The following DIAPH3 variants were observed in gnomAD, a reference collection of about 807,000 sequenced individuals.
The protein encoded by DIAPH3 is diaphanous related formin 3, also known as protein diaphanous homolog 3.
DIAPH3 carries 117 observed loss-of-function variants against 144.3 expected under a neutral mutation model. The ratio of observed to expected loss-of-function variants is 0.81; its 90% CI spans 0.70 to 0.95. DIAPH3 has a LOEUF of 0.95. Among genes scored for constraint, DIAPH3 ranks in the 40% least tolerant of loss-of-function variants. DIAPH3 has a pLI of 0.00. For synonymous variants in DIAPH3, 519 were observed against 488.9 expected, an observed-to-expected ratio of 1.06 and a Z score of -0.81; for missense variants, 1,421 against 1,412.7, an observed-to-expected ratio of 1.01 and a Z score of -0.09.
At chr13:59,920,727 T>C (rs967841140) in intron 18 of DIAPH3, among the ~76,000 whole-genome samples, 3 of 151,860 alleles carry the variant, frequency 2.0e-5, no homozygotes, top group East Asian at 1.9e-4. Context: ...AAATGAACTC[T>C]AGGCCAAAAG....
At chr13:59,698,095 ATAAAC>A (rs1325130405) in intron 27 of DIAPH3, among the ~76,000 whole-genome samples, 2 of 152,258 alleles carry the variant, frequency 1.3e-5, no homozygotes, top group South Asian at 2.1e-4. Flanking sequence ...CCAAATGTGC[ATAAAC>A]TAAAGAATGC....
At chr13:59,783,334 T>C (rs1189563264) in intron 25 of DIAPH3, among the ~76,000 whole-genome samples, 1 of 152,214 alleles carries the variant, frequency 6.6e-6, no homozygotes, top group Admixed American at 6.5e-5. Flanking sequence ...TTGATATCAT[T>C]TGCCAAGTAC....
chr13:59,770,959 C>A (rs143188070), intron 27 of DIAPH3, among the ~76,000 whole-genome samples: 1 of 152,266 alleles, frequency 6.6e-6, no homozygotes, highest in African/African-American at 2.4e-5. Flanking sequence ...ACAGGTACAA[C>A]TTGTAACCAA....
At chr13:59,871,999 C>T (rs141464706) in intron 21 of DIAPH3, among the ~76,000 whole-genome samples, 4 of 152,188 alleles carry the variant, frequency 2.6e-5, no homozygotes, top group Middle Eastern at 3.4e-3. Flanking sequence ...GTTAGCTTGG[C>T]TATTGATCTT....
chr13:59,666,464 T>C lies in DIAPH3; in HGVS notation c.*120A>G. 3 of 1,160,876 alleles carry C rather than the reference T, an allele frequency of 2.6e-6. No individual in the cohort carries two copies. The highest frequency in any genetic ancestry group is 1.6e-5 in the South Asian group (1 of 62,298). 71.9% of individuals were successfully genotyped at this position (1,160,876 alleles called of 1,614,324 possible). A position where few individuals can be genotyped will look rare whatever the true frequency, so the allele number is the denominator to read the frequency against. ...CATATATTTAGCTTTATTTTTCTAA[T>C]ATATATCATAATTTAAAACTATATA... is the stretch of plus-strand genomic sequence containing the variant. On this transcript the variant is annotated 3_prime_UTR_variant, in exon 28 of 28. Transcript: ENST00000400324.
At chr13:59,948,000 G>C (rs1433131886) in intron 17 of DIAPH3, among the ~76,000 whole-genome samples, 1 of 152,120 alleles carries the variant, frequency 6.6e-6, no homozygotes, top group Admixed American at 6.5e-5. Context: ...AATACTAGTT[G>C]CCATTTTTAG....
intron 18 of DIAPH3, among the ~76,000 whole-genome samples, chr13:59,920,644 T>C (rs572541521): frequency 3.3e-4 from 50 of 151,820 alleles, no homozygotes; most frequent in African/African-American, 1.0e-3. Flanking sequence ...AATACAATAT[T>C]AGGAGACTTC....
intron 5 of DIAPH3, among the ~76,000 whole-genome samples, chr13:60,028,835 C>A (rs915679347): frequency 1.1e-4 from 16 of 151,952 alleles, no homozygotes; most frequent in African/African-American, 2.9e-4. Flanking sequence ...CCGAGGTGGG[C>A]GGATCACAAG....
intron 4 of DIAPH3, among the ~76,000 whole-genome samples, chr13:60,065,107 C>T (rs1020025481): frequency 6.6e-6 from 1 of 151,928 alleles, no homozygotes; most frequent in African/African-American, 2.4e-5. Context: ...AACAGATATA[C>T]AAACAAATAA....
intron 17 of DIAPH3, among the ~76,000 whole-genome samples, chr13:59,956,493 G>A (rs1327451291): frequency 2.0e-5 from 3 of 152,208 alleles, no homozygotes; most frequent in Non-Finnish European, 4.4e-5. Flanking sequence ...CTGAGGTTTG[G>A]GAACCTCCAC....
intron 20 of DIAPH3, among the ~76,000 whole-genome samples, chr13:59,888,775 G>C (rs1425303899): frequency 6.6e-6 from 1 of 151,974 alleles, no homozygotes; most frequent in Non-Finnish European, 1.5e-5. Flanking sequence ...AGGAATTACT[G>C]TCACAAACTC....
intron 1 of DIAPH3, among the ~76,000 whole-genome samples, chr13:60,160,486 A>T (rs530959623): frequency 2.1e-4 from 32 of 152,310 alleles, no homozygotes; most frequent in African/African-American, 7.5e-4. Flanking sequence ...CTGCTCTGCC[A>T]CCACTACCTG....
intron 4 of DIAPH3, among the ~76,000 whole-genome samples, chr13:60,054,303 G>A (rs941503398): frequency 6.6e-6 from 1 of 151,976 alleles, no homozygotes; most frequent in Non-Finnish European, 1.5e-5. Context: ...AGTGAAGTTA[G>A]TTACTAGATT....
intron 27 of DIAPH3, among the ~76,000 whole-genome samples, chr13:59,693,891 AT>A (rs2033661943): frequency 6.6e-6 from 1 of 152,182 alleles, no homozygotes; most frequent in African/African-American, 2.4e-5. Flanking sequence ...TCTGAAATAA[AT>A]TATGAAATGA....
intron 20 of DIAPH3, among the ~76,000 whole-genome samples, chr13:59,882,807 AC>A (rs1471335803): frequency 6.6e-6 from 1 of 152,184 alleles, no homozygotes; most frequent in East Asian, 1.9e-4. Context: ...AATTCACGAA[AC>A]CCAAATCTGA....
intron 20 of DIAPH3, among the ~76,000 whole-genome samples, chr13:59,891,952 T>C (rs981039410): frequency 6.6e-6 from 1 of 152,000 alleles, no homozygotes; most frequent in Non-Finnish European, 1.5e-5. Context: ...CAAATATTTA[T>C]TGAACCCTTA....
intron 17 of DIAPH3, among the ~76,000 whole-genome samples, chr13:59,944,788 A>T (rs2048719233): frequency 1.9e-5 from 2 of 104,478 alleles, no homozygotes; most frequent in Admixed American, 2.4e-4. Context: ...TGTGTGTTAG[A>T]AAAAAAGGGG....
intron 20 of DIAPH3, among the ~76,000 whole-genome samples, chr13:59,885,420 AAC>A (rs1355989370): frequency 6.7e-6 from 1 of 149,294 alleles, no homozygotes; most frequent in Non-Finnish European, 1.5e-5. Flanking sequence ...CTATACGGTA[AAC>A]AGTTTATATA....
intron 17 of DIAPH3, among the ~76,000 whole-genome samples, chr13:59,938,991 A>G (rs1361806851): frequency 6.6e-6 from 1 of 152,178 alleles, no homozygotes; most frequent in African/African-American, 2.4e-5. Context: ...AAAAATAGAA[A>G]AAAATTTCTT....
Sources: gnomAD v4.1 joint callset for allele counts (sites outside exome capture counted in the v4.1 genomes callset) on GRCh38, gnomAD v4.1.1 for gene constraint, MANE v1.5 for transcripts, NCBI Gene and HGNC (gene_info 2026-07-23, HGNC 2026-07-21) for gene names.